Variants in ZNF475 observed in about 807,000 individuals in gnomAD.
ZNF475 encodes the protein zinc finger protein 475.
chr5:122,171,842 G>T, the ZNF475 span, among the ~76,000 whole-genome samples: 30 of 151,840 alleles, frequency 2.0e-4, no homozygotes, highest in Middle Eastern at 6.8e-3. Context: ...GGGCTCAGGT[G>T]GTCCTCCCAC....
chr5:122,160,330 T>C, the ZNF475 span: 1 of 1,201,602 alleles, frequency 8.3e-7, no homozygotes, highest in Non-Finnish European at 1.1e-6. Context: ...TGTGTATATG[T>C]ATTACATGTG....
chr5:122,160,254 A>C, the ZNF475 span: 172 of 1,289,700 alleles, frequency 1.3e-4, no homozygotes, highest in Non-Finnish European at 1.6e-4. Context: ...GACAGACCAC[A>C]ACACTAAGGT....
At chr5:122,172,341 C>T in the ZNF475 span, among the ~76,000 whole-genome samples, 1 of 152,168 alleles carries the variant, frequency 6.6e-6, no homozygotes, top group African/African-American at 2.4e-5. Context: ...GATATGGTGC[C>T]AAGTTCTTGA....
At chr5:122,174,506 A>G in the ZNF475 span, among the ~76,000 whole-genome samples, 16 of 152,244 alleles carry the variant, frequency 1.1e-4, no homozygotes, top group African/African-American at 3.4e-4. Context: ...AATATGGAGT[A>G]TATTGCAGGT....
the ZNF475 span, chr5:122,179,866 T>C: frequency 1.7e-6 from 1 of 598,502 alleles, no homozygotes; most frequent in South Asian, 3.0e-5. Context: ...TACAGACAAA[T>C]AAGAAAAACA....
At chr5:122,168,317 C>T in the ZNF475 span, among the ~76,000 whole-genome samples, 1 of 151,160 alleles carries the variant, frequency 6.6e-6, no homozygotes. Flanking sequence ...GGATGACAGG[C>T]GTGAGCCACT....
chr5:122,180,725 C>G, the ZNF475 span, among the ~76,000 whole-genome samples: 1 of 151,988 alleles, frequency 6.6e-6, no homozygotes, highest in Admixed American at 6.6e-5. Flanking sequence ...TCAATTAGTC[C>G]AAAGCACTTG....
chr5:122,165,384 T>C, the ZNF475 span, among the ~76,000 whole-genome samples: 1 of 152,192 alleles, frequency 6.6e-6, no homozygotes, highest in Non-Finnish European at 1.5e-5. Context: ...AGAGACAAAG[T>C]ACACATTGAC....
the ZNF475 span, among the ~76,000 whole-genome samples, chr5:122,161,951 G>A: frequency 6.7e-6 from 1 of 148,740 alleles, no homozygotes; most frequent in African/African-American, 2.5e-5. Flanking sequence ...AACAAAAGCA[G>A]AAACGGCTCT....
chr5:122,179,574 G>A, the ZNF475 span: 1 of 1,520,752 alleles, frequency 6.6e-7, no homozygotes, highest in Non-Finnish European at 8.8e-7. Context: ...GCGTCCACCA[G>A]CAGTTGTTTG....
chr5:122,160,350 TG>T, the ZNF475 span: 2 of 1,097,626 alleles, frequency 1.8e-6, no homozygotes, highest in Non-Finnish European at 2.5e-6. Context: ...GTGGAATATG[TG>T]TGTGTCGAAG....
chr5:122,165,875 A>G, the ZNF475 span, among the ~76,000 whole-genome samples: 1 of 152,224 alleles, frequency 6.6e-6, no homozygotes, highest in Non-Finnish European at 1.5e-5. Context: ...ATACATATTT[A>G]GTAATAACAT....
At chr5:122,167,978 C>T in the ZNF475 span, among the ~76,000 whole-genome samples, 1 of 152,124 alleles carries the variant, frequency 6.6e-6, no homozygotes, top group African/African-American at 2.4e-5. Flanking sequence ...AGTAATAGAC[C>T]ATTGAATGAC....
the ZNF475 span, among the ~76,000 whole-genome samples, chr5:122,167,872 T>C: frequency 1.3e-5 from 2 of 152,216 alleles, no homozygotes; most frequent in African/African-American, 4.8e-5. Context: ...ATAAATACAA[T>C]CATGCTGTGT....
the ZNF475 span, among the ~76,000 whole-genome samples, chr5:122,181,792 T>C: frequency 6.6e-6 from 1 of 152,248 alleles, no homozygotes; most frequent in East Asian, 1.9e-4. Context: ...CCACATTGTT[T>C]CTCTAAAATA....
At chr5:122,176,832 G>A in the ZNF475 span, among the ~76,000 whole-genome samples, 9 of 152,200 alleles carry the variant, frequency 5.9e-5, no homozygotes, top group Non-Finnish European at 8.8e-5. Context: ...AGTCTCCAAT[G>A]GGCTCAAAAA....
chr5:122,166,051 A>G, the ZNF475 span, among the ~76,000 whole-genome samples: 1 of 152,156 alleles, frequency 6.6e-6, no homozygotes, highest in South Asian at 2.1e-4. Flanking sequence ...CAGATGGGTA[A>G]TTGTTCTTGT....
At chr5:122,175,567 C>A in the ZNF475 span, among the ~76,000 whole-genome samples, 1 of 152,196 alleles carries the variant, frequency 6.6e-6, no homozygotes, top group Non-Finnish European at 1.5e-5. Context: ...CAGCATCTTT[C>A]ACTATTTCCC....
the ZNF475 span, chr5:122,162,250 T>C: frequency 6.6e-6 from 1 of 152,192 alleles, no homozygotes; most frequent in Non-Finnish European, 1.5e-5. Flanking sequence ...AAACTCCAAA[T>C]CACAAGTAAC....
Sources: gnomAD v4.1 joint callset for allele counts (sites outside exome capture counted in the v4.1 genomes callset) on GRCh38, gnomAD v4.1.1 for gene constraint, MANE v1.5 for transcripts, NCBI Gene and HGNC (gene_info 2026-07-23, HGNC 2026-07-21) for gene names.